The following ROBO1 variants were observed in gnomAD, a reference collection of about 807,000 sequenced individuals.
The protein encoded by ROBO1 is roundabout guidance receptor 1.
Under a neutral mutation model 195.9 loss-of-function variants are expected in ROBO1, and 149 were observed. The ratio of observed to expected loss-of-function variants is 0.76; its 90% CI spans 0.67 to 0.87. ROBO1 has a LOEUF of 0.87. Ranked by LOEUF, ROBO1 falls within the 40% of genes least tolerant of loss-of-function variation. ROBO1 has a pLI of 0.00. For synonymous variants in ROBO1, 816 were observed against 733.2 expected (o/e 1.11, Z -1.82); for missense variants, 1,933 against 2,068.3 (o/e 0.93, Z 1.27).
At chr3:79,099,381 G>A (rs1227632239) in intron 3 of ROBO1, among the ~76,000 whole-genome samples, 2 of 151,712 alleles carry the variant, frequency 1.3e-5, no homozygotes, top group Admixed American at 1.3e-4. Context: ...TACTTGATGT[G>A]TAGTATAAAC....
At chr3:79,766,621 G>A (rs1224872952) in intron 1 of ROBO1, among the ~76,000 whole-genome samples, 1 of 151,998 alleles carries the variant, frequency 6.6e-6, no homozygotes, top group Non-Finnish European at 1.5e-5. Flanking sequence ...GGGTTGCCAC[G>A]CCGAGTTTTC....
At chr3:78,938,977 A>C in intron 3 of ROBO1, 50 bp from the exon 4 acceptor site, 1 of 1,470,182 alleles carries the variant, frequency 6.8e-7, no homozygotes, top group Non-Finnish European at 9.3e-7. Flanking sequence ...AAAACAGTTA[A>C]TCGCTTATTT....
chr3:79,363,044 C>T (rs1319957076), intron 2 of ROBO1, among the ~76,000 whole-genome samples: 3 of 152,080 alleles, frequency 2.0e-5, no homozygotes. Flanking sequence ...TTTTCTCAGC[C>T]TGATGAGGAA....
At chr3:79,253,450 CA>C (rs1411766340) in intron 2 of ROBO1, among the ~76,000 whole-genome samples, 21 of 152,208 alleles carry the variant, frequency 1.4e-4, no homozygotes, top group African/African-American at 5.1e-4. Context: ...CCAAACACTT[CA>C]AAAACAACGG....
At chr3:78,611,076 A>T (rs1703779734) in intron 28 of ROBO1, among the ~76,000 whole-genome samples, 1 of 152,160 alleles carries the variant, frequency 6.6e-6, no homozygotes, top group Non-Finnish European at 1.5e-5. Context: ...ATAAACACTC[A>T]TTCTTTCTAC....
chr3:78,940,387 G>T (rs1413752597), intron 3 of ROBO1, among the ~76,000 whole-genome samples: 1 of 152,160 alleles, frequency 6.6e-6, no homozygotes, highest in Non-Finnish European at 1.5e-5. Context: ...CTCTACTTCA[G>T]TGGCTCTTAA....
chr3:79,454,287 A>G lies in ROBO1; in HGVS notation c.88+135537T>C, dbSNP rs578162461. Among the ~76,000 whole-genome samples the G allele has an allele frequency of 4.6e-5, 7 of 152,104 alleles. No individual in the cohort carries two copies. In the South Asian group the frequency reaches 1.5e-3, roughly 32 times the overall value. On this transcript the variant is annotated intron_variant, in intron 2 of 30. Transcript: ENST00000464233. Reference sequence around the variant, plus strand: ...TACCAAGAAATAAAGATAGAAAAATAAGCACTGTAATGTTCATTTTTATTT... The same window carrying G: ...TACCAAGAAATAAAGATAGAAAAATGAGCACTGTAATGTTCATTTTTATTT...
intron 1 of ROBO1, among the ~76,000 whole-genome samples, chr3:79,764,610 T>C (rs770575136): frequency 2.0e-5 from 3 of 152,246 alleles, no homozygotes; most frequent in African/African-American, 4.8e-5. Flanking sequence ...CTCAGCTTTG[T>C]AATGAAAGTA....
rs151070325 is a variant in ROBO1 at position 79,143,782 on chromosome 3, A to C, written c.89-18243T>G. 4.5e-3 allele frequency among the ~76,000 whole-genome samples: 681 copies of C among 152,206 alleles called. 6 individuals are homozygous for C. Among genetic ancestry groups the C allele is most frequent in the African/African-American group, 0.016 (652 of 41,544 alleles). On this transcript the variant is annotated intron_variant, in intron 2 of 30. Transcript: ENST00000464233. The stretch of plus-strand genomic sequence containing the variant: ...CAAACAGGATATTAACATTGATAAT[A>C]GCAAGATAAAGGGTCTTGCCACCAT...
intron 1 of ROBO1, among the ~76,000 whole-genome samples, chr3:79,691,340 C>G (rs557233855): frequency 6.6e-6 from 1 of 151,822 alleles, no homozygotes; most frequent in African/African-American, 2.4e-5. Flanking sequence ...AGAAGACTAA[C>G]TCTTCAAAAT....
At chr3:78,972,717 GA>G (rs1291370439) in intron 3 of ROBO1, among the ~76,000 whole-genome samples, 1 of 152,132 alleles carries the variant, frequency 6.6e-6, no homozygotes, top group Non-Finnish European at 1.5e-5. Context: ...GTGATAGTGG[GA>G]AAGTCCTTGG....
chr3:79,311,075 T>C lies in ROBO1; in HGVS notation c.89-185536A>G, dbSNP rs80235232. Among the ~76,000 whole-genome samples, 346 of 152,320 alleles carry C rather than the reference T, an allele frequency of 2.3e-3. 1 individual carries two copies. Among genetic ancestry groups the C allele is most frequent in the Non-Finnish European group, 3.9e-3 (265 of 68,018 alleles). On this transcript the variant is annotated intron_variant, in intron 2 of 30. Transcript: ENST00000464233. The stretch of plus-strand genomic sequence containing the variant: ...ACTAATGGCTCATAAGCATCCTCAA[T>C]TACTTTGCTTTGTATCTGGACAGCA...
chr3:79,337,934 T>C (rs917680573), intron 2 of ROBO1, among the ~76,000 whole-genome samples: 5 of 152,208 alleles, frequency 3.3e-5, no homozygotes, highest in African/African-American at 4.8e-5. Context: ...ATATTATCTT[T>C]CATTTCTTAT....
chr3:79,484,319 TGAA>T (rs1939032098), intron 2 of ROBO1, among the ~76,000 whole-genome samples: 1 of 152,160 alleles, frequency 6.6e-6, no homozygotes, highest in South Asian at 2.1e-4. Context: ...AGCACTTCCG[TGAA>T]GCCAGAACCC....
chr3:78,597,721 C>T lies in ROBO1; in HGVS notation c.*1192G>A, dbSNP rs1214476498. ...CATTGGCCACAACAAACTTAAACCT[C>T]TTTTTTTCTTTAAGTCCAGGAAAAG... is the stretch of plus-strand genomic sequence containing the variant. On this transcript the variant is annotated 3_prime_UTR_variant, in exon 31 of 31. Coordinates refer to ENST00000464233, the MANE Select transcript of ROBO1 (RefSeq NM_002941.4). The T allele has an allele frequency of 6.6e-6, 1 of 152,398 alleles. No individual in the cohort carries two copies. Among genetic ancestry groups the T allele is most frequent in the African/African-American group, 2.4e-5 (1 of 41,420 alleles). The allele number at this position is 152,398 out of a possible 1,614,324, so 9.4% of individuals were successfully genotyped here.
intron 2 of ROBO1, among the ~76,000 whole-genome samples, chr3:79,281,484 CTG>C (rs959359992): frequency 3.0e-4 from 45 of 152,044 alleles, no homozygotes; most frequent in Admixed American, 1.4e-3. Flanking sequence ...AGTGAGGTGA[CTG>C]TGAAAAATGT....
chr3:79,700,090 G>T lies in ROBO1; in HGVS notation c.-51+67662C>A, dbSNP rs149966410. ...ACATAAGTGAAAACATGCGGTATTT[G>T]ATTTCCTGTTCCTATGTTAATTTGC... is the stretch of plus-strand genomic sequence containing the variant. On this transcript the variant is annotated intron_variant, in intron 1 of 30. Coordinates refer to ENST00000464233, the MANE Select transcript of ROBO1 (RefSeq NM_002941.4). 1.3e-5 allele frequency among the ~76,000 whole-genome samples: 2 copies of T among 151,686 alleles called. 1 individual carries two copies. Among genetic ancestry groups the T allele is most frequent in the Middle Eastern group, 6.3e-3 (2 of 316 alleles).
chr3:78,870,936 A>T lies in ROBO1; in HGVS notation c.499+67665T>A, dbSNP rs60407257. Reference sequence around the variant, plus strand: ...GATATGCAAAATAGGAATAAAAATAACCACACATGCTTCATAAAATTATTT... The same window carrying T: ...GATATGCAAAATAGGAATAAAAATATCCACACATGCTTCATAAAATTATTT... On this transcript the variant is annotated intron_variant, in intron 4 of 30. Coordinates refer to ENST00000464233, the MANE Select transcript of ROBO1 (RefSeq NM_002941.4). 1.4e-4 allele frequency among the ~76,000 whole-genome samples: 21 copies of T among 152,330 alleles called. No homozygotes were observed. In the East Asian group the frequency reaches 3.9e-3, roughly 28 times the overall value.
At chr3:79,415,100 A>C (rs1282666388) in intron 2 of ROBO1, among the ~76,000 whole-genome samples, 1 of 152,088 alleles carries the variant, frequency 6.6e-6, no homozygotes, top group Non-Finnish European at 1.5e-5. Context: ...ATATAAATAC[A>C]TCCTGACTCA....
Sources: gnomAD v4.1 joint callset for allele counts (sites outside exome capture counted in the v4.1 genomes callset) on GRCh38, gnomAD v4.1.1 for gene constraint, MANE v1.5 for transcripts, NCBI Gene and HGNC (gene_info 2026-07-23, HGNC 2026-07-21) for gene names.